FBXO21: variants seen among roughly 807,000 people sequenced by gnomAD.
FBXO21 encodes F-box only protein 21.
A neutral mutation model predicts 76.6 loss-of-function variants in FBXO21; 32 were observed. That is an observed-to-expected ratio of 0.42 (90% CI 0.32 to 0.56). The LOEUF (loss-of-function observed/expected upper bound fraction) is 0.56. Ranked by LOEUF, FBXO21 falls within the 20% of genes least tolerant of loss-of-function variation. FBXO21 has a pLI of 0.16. For missense variants in FBXO21, 586 were observed against 797.3 expected (o/e 0.73, Z 3.19); for synonymous variants, 328 against 311.5 (o/e 1.05, Z -0.56).
At chr12:117,162,328 C>T (rs1351634752) in intron 9 of FBXO21, among the ~76,000 whole-genome samples, 6 of 152,334 alleles carry the variant, frequency 3.9e-5, no homozygotes, top group African/African-American at 7.2e-5. Flanking sequence ...CACTGTACCA[C>T]GGGATGCCGC....
At chr12:117,170,766 C>T (rs745982533) in intron 7 of FBXO21, among the ~76,000 whole-genome samples, 1 of 152,128 alleles carries the variant, frequency 6.6e-6, no homozygotes, top group Non-Finnish European at 1.5e-5. Context: ...AGTAAGTTAT[C>T]GTGGCAAATG....
intron 7 of FBXO21, among the ~76,000 whole-genome samples, chr12:117,171,999 T>G (rs1956122696): frequency 6.6e-6 from 1 of 152,194 alleles, no homozygotes; most frequent in Non-Finnish European, 1.5e-5. Context: ...CAATCTCCCC[T>G]GCTTTCTTTC....
intron 1 of FBXO21, 23 bp from the exon 2 acceptor site, chr12:117,189,385 T>C: frequency 6.2e-7 from 1 of 1,613,660 alleles, no homozygotes; most frequent in East Asian, 2.2e-5. Context: ...AAACACCCCC[T>C]CAGCTTAACA....
intron 9 of FBXO21, among the ~76,000 whole-genome samples, chr12:117,162,956 AG>A (rs1956000805): frequency 6.6e-6 from 1 of 152,134 alleles, no homozygotes; most frequent in African/African-American, 2.4e-5. Flanking sequence ...TCCTCTGGAG[AG>A]GAACCTTGTC....
In FBXO21 at chr12:117,187,179, G is replaced by A. The variant is rs1051163219; in HGVS notation, c.376-608C>T. ...CTCACGCCTGTAATCCCAGCACTTC[G>A]GGAGGCTGAGGTGGGCGGATCACCT... On this transcript the variant is annotated intron_variant, in intron 2 of 11. Transcript: ENST00000622495. Among the ~76,000 whole-genome samples, 11 of 151,870 alleles carry A rather than the reference G, an allele frequency of 7.2e-5. No homozygotes were observed. In the East Asian group the frequency reaches 1.4e-3, roughly 19 times the overall value.
chr12:117,167,745 CAAA>C (rs113871818), intron 7 of FBXO21, among the ~76,000 whole-genome samples: 35 of 134,488 alleles, frequency 2.6e-4, no homozygotes, highest in Middle Eastern at 3.7e-3. Flanking sequence ...GACTCTGTCT[CAAA>C]AAAAAAAAAA....
At chr12:117,150,072 C>A (rs1452315950) in intron 11 of FBXO21, among the ~76,000 whole-genome samples, 3 of 152,034 alleles carry the variant, frequency 2.0e-5, no homozygotes, top group Admixed American at 2.0e-4. Context: ...AGAAGCAGAA[C>A]AGGAAAAAAT....
Position 117,146,213 on chromosome 12 carries a change from T to G in FBXO21, c.1740A>C (p.Ser580=), listed in dbSNP as rs17854201. ...ISHPDVGRYF[S]EFTGTHYIPN... is the part of the protein sequence containing the mutation. The stretch of plus-strand genomic sequence containing the variant: ...GGATGTAGTGAGTGCCAGTAAACTC[T>G]GAGAAATAGCGTCCCACGTCAGGGT... The change falls in exon 12 of 12, where the codon TCA becomes TCC. Residue 580 remains serine (S), a synonymous_variant. Transcript: ENST00000622495. 6.2e-7 allele frequency: 1 copy of G among 1,613,872 alleles called. No individual in the cohort carries two copies. The highest frequency in any genetic ancestry group is 8.5e-7 in the Non-Finnish European group (1 of 1,179,948).
chr12:117,163,037 G>A (rs190761472), intron 9 of FBXO21, among the ~76,000 whole-genome samples: 1 of 152,170 alleles, frequency 6.6e-6, no homozygotes. Context: ...TGTCTCAGGG[G>A]CCCTAGCGGG....
chr12:117,178,323 C>A (rs1956194087), intron 3 of FBXO21, among the ~76,000 whole-genome samples: 1 of 152,134 alleles, frequency 6.6e-6, no homozygotes, highest in African/African-American at 2.4e-5. Flanking sequence ...GCACACTTCC[C>A]AATTACTCCC....
chr12:117,174,063 G>A, intron 6 of FBXO21, 142 bp downstream of exon 6: 2 of 665,654 alleles, frequency 3.0e-6, no homozygotes, highest in Non-Finnish European at 5.2e-6. Flanking sequence ...CCTGAGCCCA[G>A]GAGTTTGAGG....
chr12:117,166,647 C>T (rs548630610), intron 8 of FBXO21, among the ~76,000 whole-genome samples: 1 of 152,264 alleles, frequency 6.6e-6, no homozygotes, highest in South Asian at 2.1e-4. Flanking sequence ...GTTTTCTTAT[C>T]TAATGATAGG....
intron 11 of FBXO21, among the ~76,000 whole-genome samples, chr12:117,148,782 A>C (rs992176316): frequency 6.6e-6 from 1 of 152,152 alleles, no homozygotes. Flanking sequence ...GGCTGGGTAG[A>C]CTCAGAGAAC....
At position 117,158,060 on chromosome 12, in the gene FBXO21, G is replaced by T. The variant is rs1183311769; in HGVS notation, c.1330C>A (p.Leu444Ile). 2 of 1,613,970 alleles carry T rather than the reference G, an allele frequency of 1.2e-6. No individual in the cohort carries two copies. The highest frequency in any genetic ancestry group is 2.7e-5 in the African/African-American group (2 of 74,924). The part of the protein sequence containing the change: ...FHLGIWPEKV[L>I]DILQHIQTLD... Reference sequence around the variant, plus strand: ...GTTTGGATGTGCTGGAGGATGTCAAGCACCTTCAAAACAAGACAGAAAGAC... The same window carrying T: ...GTTTGGATGTGCTGGAGGATGTCAATCACCTTCAAAACAAGACAGAAAGAC... Residue 444 changes from leucine to isoleucine, a missense_variant, in exon 10 of 12, where the codon CTT (leucine) becomes ATT (isoleucine). Physicochemically the swap from Leu to Ile is conservative, Grantham distance 5. Coordinates refer to ENST00000622495, the MANE Select transcript of FBXO21 (RefSeq NM_015002.3).
At chr12:117,158,216 A>T in intron 9 of FBXO21, 153 bp from the exon 10 acceptor site, 4 of 777,330 alleles carry the variant, frequency 5.1e-6, no homozygotes, top group Non-Finnish European at 8.3e-6. Context: ...AGGTCTCTGG[A>T]CCATCCTCTG....
At chr12:117,183,531 T>C (rs1956255681) in intron 3 of FBXO21, among the ~76,000 whole-genome samples, 1 of 152,268 alleles carries the variant, frequency 6.6e-6, no homozygotes, top group South Asian at 2.1e-4. Context: ...AGTGCTGGGA[T>C]TACAGGCGTG....
chr12:117,186,627 A>T lies in FBXO21; in HGVS notation c.376-56T>A, dbSNP rs1956285829. 3.7e-5 allele frequency: 40 copies of T among 1,093,512 alleles called. 1 individual carries two copies. The South Asian group carries it at 4.9e-4, about 14-fold the overall frequency. 67.7% of individuals were successfully genotyped at this position (1,093,512 alleles called of 1,614,324 possible). A position where few individuals can be genotyped will look rare whatever the true frequency, so the allele number is the denominator to read the frequency against. On this transcript the variant is annotated intron_variant, in intron 2 of 11. Transcript: ENST00000622495. ...AATTATGAGTATTGATGCAACTCTC[A>T]CTCTCACAAATTTGAGCTGAAATAA...
At chr12:117,151,005 G>A (rs141483340) in intron 11 of FBXO21, among the ~76,000 whole-genome samples, 129 of 131,848 alleles carry the variant, frequency 9.8e-4, no homozygotes, top group East Asian at 5.1e-3. Context: ...TGTGTGTGTC[G>A]GGCGGGGAGG....
chr12:117,183,970 T>C (rs766189089), intron 3 of FBXO21, among the ~76,000 whole-genome samples: 3 of 152,172 alleles, frequency 2.0e-5, no homozygotes, highest in Non-Finnish European at 2.9e-5. Context: ...AATTATCTTT[T>C]ATTCTGGGAT....
Sources: gnomAD v4.1 joint callset for allele counts (sites outside exome capture counted in the v4.1 genomes callset) on GRCh38, gnomAD v4.1.1 for gene constraint, MANE v1.5 for transcripts, NCBI Gene and HGNC (gene_info 2026-07-23, HGNC 2026-07-21) for gene names.